LIN28B: variants seen among roughly 807,000 people sequenced by gnomAD.
LIN28B encodes the protein protein lin-28 homolog B.
In LIN28B, 5 loss-of-function variants were observed where a neutral mutation model predicts 21.9. That is an observed-to-expected ratio of 0.23 (90% confidence interval 0.12 to 0.48). LIN28B has a LOEUF of 0.48. Ranked by LOEUF, LIN28B falls within the 20% of genes least tolerant of loss-of-function variation. The pLI is 0.98. For synonymous variants in LIN28B, 109 were observed against 111.3 expected (o/e 0.98, Z 0.13); for missense variants, 245 against 310.5 (o/e 0.79, Z 1.58).
At chr6:105,016,224 T>G (rs1562093689) in intron 2 of LIN28B, among the ~76,000 whole-genome samples, 1 of 152,050 alleles carries the variant, frequency 6.6e-6, no homozygotes, top group Non-Finnish European at 1.5e-5. Flanking sequence ...AGTAAATTTT[T>G]AAAAGTTCAG....
In LIN28B at chr6:105,080,505, G is replaced by A. The variant is rs1772524315; in HGVS notation, c.*1722G>A. 1.3e-5 allele frequency: 2 copies of A among 152,586 alleles called. No individual in the cohort carries two copies. Among genetic ancestry groups the A allele is most frequent in the Admixed American group, 1.3e-4 (2 of 15,264 alleles). 9.5% of individuals were successfully genotyped at this position (152,586 alleles called of 1,614,324 possible). On this transcript the variant is annotated 3_prime_UTR_variant, in exon 4 of 4. Coordinates refer to ENST00000345080, the MANE Select transcript of LIN28B (RefSeq NM_001004317.4). Reference sequence around the variant, plus strand: ...ATAAGACGAAAATGCCTCAGGTTGGGTTGCCAGTCCTTTACAACTCAGCTT... The same window carrying A: ...ATAAGACGAAAATGCCTCAGGTTGGATTGCCAGTCCTTTACAACTCAGCTT...
At chr6:104,955,977 G>A (rs1402124154), upstream of LIN28B, among the ~76,000 whole-genome samples, 1 of 152,118 alleles carries the variant, frequency 6.6e-6, no homozygotes, top group Middle Eastern at 3.4e-3. Flanking sequence ...TGAAACTGGG[G>A]GTCAGTTGAG....
chr6:105,012,019 G>A (rs1450873445), intron 2 of LIN28B, among the ~76,000 whole-genome samples: 1 of 151,932 alleles, frequency 6.6e-6, no homozygotes, highest in Non-Finnish European at 1.5e-5. Context: ...TTAGCTGGGT[G>A]TGGTGGCAGG....
chr6:104,999,924 C>T (rs576404872), intron 2 of LIN28B, among the ~76,000 whole-genome samples: 64 of 152,184 alleles, frequency 4.2e-4, no homozygotes, highest in African/African-American at 1.2e-3. Flanking sequence ...AGGTGTGATC[C>T]GCCTGCCTCG....
At chr6:104,976,169 A>G (rs1408445102) in intron 2 of LIN28B, among the ~76,000 whole-genome samples, 1 of 152,226 alleles carries the variant, frequency 6.6e-6, no homozygotes, top group Non-Finnish European at 1.5e-5. Flanking sequence ...GGTATGAGCA[A>G]AAAGCAGAGA....
chr6:105,072,078 T>C (rs1408679073), intron 3 of LIN28B, among the ~76,000 whole-genome samples: 2 of 150,482 alleles, frequency 1.3e-5, no homozygotes, highest in Non-Finnish European at 2.9e-5. Context: ...CTACTTCAAT[T>C]CTTTTGTGTC....
At position 105,082,200 on chromosome 6, in the gene LIN28B, C is replaced by T. The variant is rs1345548983; in HGVS notation, c.*3417C>T. On this transcript the variant is annotated 3_prime_UTR_variant, in exon 4 of 4. Coordinates refer to ENST00000345080, the MANE Select transcript of LIN28B (RefSeq NM_001004317.4). ...TTGAAAGATTTAGAAAGATTTTTAC[C>T]TGCTTATAACTTGGAAGTTTAGAGT... is the stretch of plus-strand genomic sequence containing the variant. 6.6e-6 allele frequency: 1 copy of T among 152,556 alleles called. No individual in the cohort carries two copies. The highest frequency in any genetic ancestry group is 1.5e-5 in the Non-Finnish European group (1 of 68,026). 9.5% of individuals were successfully genotyped at this position (152,556 alleles called of 1,614,324 possible).
In LIN28B at chr6:104,978,475, G is replaced by GT. The variant is rs528818465; in HGVS notation, c.198+20190dup. Among the ~76,000 whole-genome samples, 85 of 151,960 alleles carry GT rather than the reference G, an allele frequency of 5.6e-4. No homozygotes were observed. In the South Asian group the frequency reaches 0.016, roughly 29 times the overall value. On this transcript the variant is annotated intron_variant, in intron 2 of 3. Coordinates refer to ENST00000345080, the MANE Select transcript of LIN28B (RefSeq NM_001004317.4). ...TCAGATTTCTTATTTATAGAAATCA[G>GT]TAACACTAATTTTATAGGATTGTGA...
chr6:104,965,143 G>A (rs1298034364), intron 2 of LIN28B, among the ~76,000 whole-genome samples: 2 of 152,230 alleles, frequency 1.3e-5, no homozygotes, highest in African/African-American at 4.8e-5. Context: ...TGGCCAAAAT[G>A]TGTTGTATAT....
intron 2 of LIN28B, among the ~76,000 whole-genome samples, chr6:104,972,853 G>T (rs966096686): frequency 3.5e-4 from 54 of 152,280 alleles, no homozygotes; most frequent in African/African-American, 1.2e-3. Context: ...GCTCATGCCT[G>T]TAATCCCAGC....
intron 2 of LIN28B, among the ~76,000 whole-genome samples, chr6:104,991,114 C>T (rs1358122082): frequency 6.6e-6 from 1 of 151,116 alleles, no homozygotes; most frequent in Non-Finnish European, 1.5e-5. Flanking sequence ...CAGAGGGGCT[C>T]CTCACTTCCC....
intron 2 of LIN28B, among the ~76,000 whole-genome samples, chr6:105,007,075 T>G (rs560179004): frequency 1.1e-3 from 163 of 152,336 alleles, no homozygotes; most frequent in African/African-American, 3.7e-3. Context: ...ATGGGATGTC[T>G]AAGGTCTCTT....
intron 3 of LIN28B, among the ~76,000 whole-genome samples, chr6:105,063,612 G>A (rs1462902933): frequency 6.9e-6 from 1 of 144,336 alleles, no homozygotes; most frequent in Non-Finnish European, 1.5e-5. Context: ...CTCCAGCCTG[G>A]GCGACAGAGC....
intron 2 of LIN28B, among the ~76,000 whole-genome samples, chr6:104,983,234 GA>G (rs1415428876): frequency 1.3e-5 from 2 of 152,212 alleles, no homozygotes; most frequent in Non-Finnish European, 2.9e-5. Flanking sequence ...TGAATATTTA[GA>G]AAGCATCAAC....
intron 1 of LIN28B, among the ~76,000 whole-genome samples, chr6:104,957,479 A>T (rs1198210480): frequency 6.6e-6 from 1 of 151,606 alleles, no homozygotes; most frequent in Admixed American, 6.6e-5. Flanking sequence ...CACAACTTGA[A>T]AAGCTTTCAG....
intron 2 of LIN28B, among the ~76,000 whole-genome samples, chr6:104,999,364 C>T (rs1770674580): frequency 6.6e-6 from 1 of 151,986 alleles, no homozygotes; most frequent in African/African-American, 2.4e-5. Context: ...GTCTTGAACT[C>T]CTGGCCTCAA....
intron 3 of LIN28B, among the ~76,000 whole-genome samples, chr6:105,047,321 T>C: frequency 6.6e-6 from 1 of 152,186 alleles, no homozygotes; most frequent in East Asian, 1.9e-4. Flanking sequence ...AAAGATCAGA[T>C]GGTTGTAGAT....
chr6:105,020,840 C>T (rs544749249), intron 2 of LIN28B, among the ~76,000 whole-genome samples: 39 of 150,432 alleles, frequency 2.6e-4, no homozygotes, highest in African/African-American at 9.3e-4. Flanking sequence ...GCAAGCTACT[C>T]CTCCTGGGTT....
intron 2 of LIN28B, among the ~76,000 whole-genome samples, chr6:104,991,636 C>A (rs530964319): frequency 6.6e-6 from 1 of 151,970 alleles, no homozygotes; most frequent in Admixed American, 6.6e-5. Flanking sequence ...GCTGCAATCT[C>A]GGCACTTTGG....
Sources: allele counts gnomAD v4.1 joint callset (sites outside exome capture counted in the v4.1 genomes callset), GRCh38; gene constraint gnomAD v4.1.1; transcripts MANE v1.5; gene names NCBI Gene and HGNC (gene_info 2026-07-23, HGNC 2026-07-21).